Variants in VAV3 observed in about 807,000 individuals in gnomAD.
VAV3 encodes the protein guanine nucleotide exchange factor VAV3.
Under a neutral mutation model 131.2 loss-of-function variants are expected in VAV3, and 94 were observed. The ratio of observed to expected loss-of-function variants is 0.72; its 90% CI spans 0.61 to 0.85. The LOEUF (loss-of-function observed/expected upper bound fraction) is 0.85, where lower values mean the gene tolerates loss of function less well. Among genes scored for constraint, VAV3 ranks in the 40% least tolerant of loss-of-function variants. The pLI, the probability that VAV3 is intolerant of heterozygous loss-of-function variation, is 0.00. For missense variants in VAV3, 939 were observed against 1,002.7 expected, an observed-to-expected ratio of 0.94 and a Z score of 0.86; for synonymous variants, 349 against 342.0, an observed-to-expected ratio of 1.02 and a Z score of -0.22.
At chr1:107,710,959 AG>A (rs1660749828) in intron 15 of VAV3, among the ~76,000 whole-genome samples, 1 of 152,176 alleles carries the variant, frequency 6.6e-6, no homozygotes, top group Non-Finnish European at 1.5e-5. Context: ...TAAAGATAAT[AG>A]AAAACATATC....
chr1:107,709,916 G>C (rs1348449048), intron 15 of VAV3, among the ~76,000 whole-genome samples: 1 of 152,146 alleles, frequency 6.6e-6, no homozygotes, highest in Non-Finnish European at 1.5e-5. Flanking sequence ...TTTCTTAGCA[G>C]TGTGAGAACA....
At chr1:107,899,580 G>A (rs758416150) in intron 1 of VAV3, among the ~76,000 whole-genome samples, 8 of 152,186 alleles carry the variant, frequency 5.3e-5, no homozygotes, top group Admixed American at 1.3e-4. Flanking sequence ...TGTGAGCTCC[G>A]TAGGACAGGA....
chr1:107,668,537 T>C, intron 19 of VAV3: 1 of 791,366 alleles, frequency 1.3e-6, no homozygotes, highest in Non-Finnish European at 1.5e-6. Flanking sequence ...CCATGGCTAC[T>C]TCACCAACAT....
At chr1:107,897,831 A>G (rs1175325437) in intron 1 of VAV3, among the ~76,000 whole-genome samples, 1 of 152,156 alleles carries the variant, frequency 6.6e-6, no homozygotes. Context: ...ACACATTAAG[A>G]CATATTTTAT....
chr1:107,641,522 T>C (rs1380134001), intron 20 of VAV3, among the ~76,000 whole-genome samples: 5 of 152,168 alleles, frequency 3.3e-5, no homozygotes, highest in African/African-American at 1.2e-4. Flanking sequence ...CATAATACCA[T>C]ATTTACCTAA....
chr1:107,642,164 A>T (rs1157040777), intron 20 of VAV3, among the ~76,000 whole-genome samples: 1 of 152,132 alleles, frequency 6.6e-6, no homozygotes, highest in Admixed American at 6.6e-5. Flanking sequence ...CTGACAATTA[A>T]GGCATTCTAA....
intron 17 of VAV3, among the ~76,000 whole-genome samples, chr1:107,690,834 C>T (rs1172883008): frequency 6.6e-6 from 1 of 152,178 alleles, no homozygotes; most frequent in Non-Finnish European, 1.5e-5. Context: ...ATGGCCACCA[C>T]ATTCACCCTC....
intron 2 of VAV3, among the ~76,000 whole-genome samples, chr1:107,822,657 AAAATAAATAAATAAAT>A (rs139004980): frequency 7.1e-6 from 1 of 141,724 alleles, no homozygotes; most frequent in East Asian, 2.2e-4. Context: ...CATCTCAAAA[AAAATAAATAAATAAAT>A]AAATAAATAA....
intron 20 of VAV3, among the ~76,000 whole-genome samples, chr1:107,628,376 C>A (rs973377353): frequency 3.3e-5 from 5 of 152,174 alleles, no homozygotes; most frequent in African/African-American, 1.2e-4. Flanking sequence ...GGCCAGCTTA[C>A]AGAACATTCA....
At chr1:107,600,239 T>C (rs1570589178) in intron 24 of VAV3, among the ~76,000 whole-genome samples, 2 of 152,350 alleles carry the variant, frequency 1.3e-5, no homozygotes, top group African/African-American at 2.4e-5. Context: ...AGAAACAAAA[T>C]GGAGGGGTAG....
intron 17 of VAV3, among the ~76,000 whole-genome samples, chr1:107,702,053 T>C (rs2101834666): frequency 6.6e-6 from 1 of 152,340 alleles, no homozygotes; most frequent in Non-Finnish European, 1.5e-5. Context: ...CAATTTACTG[T>C]ATTAGTCCGT....
intron 1 of VAV3, among the ~76,000 whole-genome samples, chr1:107,909,051 C>T (rs1248665510): frequency 6.6e-6 from 1 of 152,066 alleles, no homozygotes; most frequent in Non-Finnish European, 1.5e-5. Context: ...GATTGATGTT[C>T]CTACAAATAA....
intron 15 of VAV3, among the ~76,000 whole-genome samples, chr1:107,713,173 G>A (rs1210565838): frequency 6.6e-6 from 1 of 152,106 alleles, no homozygotes; most frequent in African/African-American, 2.4e-5. Context: ...CTGCCTTCAT[G>A]AGGCTTATAT....
intron 2 of VAV3, among the ~76,000 whole-genome samples, chr1:107,855,674 T>C (rs1007417915): frequency 4.6e-5 from 7 of 152,128 alleles, no homozygotes; most frequent in African/African-American, 1.7e-4. Flanking sequence ...CAAACATGAC[T>C]GATGTCCTTG....
chr1:107,916,775 T>C (rs2101135692), intron 1 of VAV3, among the ~76,000 whole-genome samples: 1 of 152,164 alleles, frequency 6.6e-6, no homozygotes, highest in East Asian at 1.9e-4. Context: ...TACAAGGCAG[T>C]GAGTGAATGA....
intron 24 of VAV3, among the ~76,000 whole-genome samples, chr1:107,600,325 ATT>A (rs1013556824): frequency 1.4e-5 from 2 of 148,140 alleles, no homozygotes; most frequent in Non-Finnish European, 3.0e-5. Context: ...CTTTTCTGAT[ATT>A]GAGATTTTTT....
chr1:107,677,254 C>A (rs922507867), intron 19 of VAV3, among the ~76,000 whole-genome samples: 2 of 152,114 alleles, frequency 1.3e-5, no homozygotes, highest in African/African-American at 2.4e-5. Context: ...TTAAGAATTA[C>A]TTTATCAATG....
intron 18 of VAV3, among the ~76,000 whole-genome samples, chr1:107,686,338 T>G (rs764859447): frequency 6.6e-6 from 1 of 151,798 alleles, no homozygotes; most frequent in Non-Finnish European, 1.5e-5. Context: ...TTCACAATCA[T>G]AACTATTGAA....
At chr1:107,693,802 A>C (rs537069050) in intron 17 of VAV3, among the ~76,000 whole-genome samples, 1 of 152,316 alleles carries the variant, frequency 6.6e-6, no homozygotes, top group East Asian at 1.9e-4. Context: ...AGGAGCATAT[A>C]ATCTAACAGG....
Sources: allele counts gnomAD v4.1 joint callset (sites outside exome capture counted in the v4.1 genomes callset), GRCh38; gene constraint gnomAD v4.1.1; transcripts MANE v1.5; gene names NCBI Gene and HGNC (gene_info 2026-07-23, HGNC 2026-07-21).